The following GRIA1 variants were observed in gnomAD, a reference collection of about 807,000 sequenced individuals.
GRIA1 encodes the protein glutamate receptor 1.
Under a neutral mutation model 99.2 loss-of-function variants are expected in GRIA1, and 31 were observed. The ratio of observed to expected loss-of-function variants is 0.31; its 90% CI spans 0.23 to 0.42. The LOEUF is 0.42. Ranked by LOEUF, GRIA1 falls within the 10% of genes least tolerant of loss-of-function variation. The pLI, the probability that GRIA1 is intolerant of heterozygous loss-of-function variation, is 1.00. For missense variants in GRIA1, 782 were observed against 1,157.5 expected, an observed-to-expected ratio of 0.68 and a Z score of 4.71; for synonymous variants, 438 against 432.4, an observed-to-expected ratio of 1.01 and a Z score of -0.16.
intron 14 of GRIA1, among the ~76,000 whole-genome samples, chr5:153,796,695 C>T (rs1380166893): frequency 2.0e-5 from 3 of 152,170 alleles, no homozygotes; most frequent in African/African-American, 7.2e-5. Context: ...AGGTGGGCAA[C>T]ACTCACTGTG....
intron 7 of GRIA1, among the ~76,000 whole-genome samples, chr5:153,680,596 C>A (rs973307428): frequency 1.3e-5 from 2 of 152,088 alleles, no homozygotes; most frequent in South Asian, 2.1e-4. Flanking sequence ...ATTTAGAATA[C>A]CTCCCCTAAA....
At chr5:153,650,568 C>A (rs1754489033) in intron 4 of GRIA1, 54 bp downstream of exon 4, 8 of 1,541,908 alleles carry the variant, frequency 5.2e-6, no homozygotes, top group Non-Finnish European at 7.1e-6. Context: ...TCAGGAATAG[C>A]CAGACACACT....
At chr5:153,754,633 C>A (rs1465842347) in intron 11 of GRIA1, among the ~76,000 whole-genome samples, 1 of 152,130 alleles carries the variant, frequency 6.6e-6, no homozygotes, top group Non-Finnish European at 1.5e-5. Context: ...AGGCAGCCAT[C>A]CTGAATACTT....
At chr5:153,600,876 G>C (rs1287087021) in intron 2 of GRIA1, among the ~76,000 whole-genome samples, 1 of 152,216 alleles carries the variant, frequency 6.6e-6, no homozygotes, top group Non-Finnish European at 1.5e-5. Flanking sequence ...TGTAGCTTCA[G>C]CTGTCAGAGC....
intron 11 of GRIA1, among the ~76,000 whole-genome samples, chr5:153,708,436 G>A (rs1452468479): frequency 1.3e-5 from 2 of 152,132 alleles, no homozygotes; most frequent in Non-Finnish European, 2.9e-5. Context: ...TTGAGGTGAA[G>A]AGGAGACTGA....
At chr5:153,646,418 G>A (rs181152880) in intron 2 of GRIA1, among the ~76,000 whole-genome samples, 7 of 152,264 alleles carry the variant, frequency 4.6e-5, no homozygotes, top group South Asian at 2.1e-4. Flanking sequence ...GGGGAAGATC[G>A]TTAGATTAAG....
At chr5:153,589,540 A>G (rs945765690) in intron 2 of GRIA1, among the ~76,000 whole-genome samples, 3 of 152,178 alleles carry the variant, frequency 2.0e-5, no homozygotes, top group Non-Finnish European at 4.4e-5. Flanking sequence ...CCACCCAGCA[A>G]CTTTTTCTTA....
At chr5:153,677,560 G>T (rs1756680158) in intron 7 of GRIA1, among the ~76,000 whole-genome samples, 2 of 152,206 alleles carry the variant, frequency 1.3e-5, no homozygotes, top group Non-Finnish European at 2.9e-5. Context: ...ATGAGAGCCT[G>T]GGGTATGTGG....
intron 2 of GRIA1, among the ~76,000 whole-genome samples, chr5:153,576,727 C>T (rs1762557188): frequency 6.6e-6 from 1 of 152,330 alleles, no homozygotes; most frequent in Middle Eastern, 3.4e-3. Context: ...TCTTGCTCTT[C>T]ACTTGCCAAG....
At chr5:153,740,936 C>CAAGT (rs1761733852) in intron 11 of GRIA1, among the ~76,000 whole-genome samples, 1 of 143,454 alleles carries the variant, frequency 7.0e-6, no homozygotes, top group African/African-American at 2.6e-5. Flanking sequence ...GAAAAGACAA[C>CAAGT]AAGTCTTGGC....
chr5:153,726,702 A>C (rs1468777524), intron 11 of GRIA1, among the ~76,000 whole-genome samples: 1 of 152,194 alleles, frequency 6.6e-6, no homozygotes, highest in Non-Finnish European at 1.5e-5. Context: ...GAAGTTGAAT[A>C]TCTGAGTAGA....
chr5:153,544,653 T>C (rs541871120), intron 2 of GRIA1, among the ~76,000 whole-genome samples: 1 of 152,150 alleles, frequency 6.6e-6, no homozygotes, highest in East Asian at 1.9e-4. Context: ...AATAGGTAAA[T>C]AGTCATGGGA....
intron 11 of GRIA1, among the ~76,000 whole-genome samples, chr5:153,723,650 C>T (rs1418249081): frequency 6.6e-6 from 1 of 152,162 alleles, no homozygotes; most frequent in African/African-American, 2.4e-5. Flanking sequence ...GCTAGCACAG[C>T]AGTCTGAGAT....
At chr5:153,698,282 GA>G in intron 9 of GRIA1, 128 bp downstream of exon 9, 1 of 525,580 alleles carries the variant, frequency 1.9e-6, no homozygotes. Flanking sequence ...GCAGCAAGTC[GA>G]AAAGGGAATG....
At chr5:153,541,051 A>G (rs760390332) in intron 2 of GRIA1, among the ~76,000 whole-genome samples, 61 of 152,284 alleles carry the variant, frequency 4.0e-4, no homozygotes, top group Non-Finnish European at 7.2e-4. Context: ...GCCTAACTGC[A>G]ATACATTTTT....
chr5:153,696,143 C>T (rs918605156), intron 8 of GRIA1, among the ~76,000 whole-genome samples: 1 of 152,162 alleles, frequency 6.6e-6, no homozygotes, highest in East Asian at 1.9e-4. Flanking sequence ...CCTGGCTCCA[C>T]GGCTACCCTG....
intron 2 of GRIA1, among the ~76,000 whole-genome samples, chr5:153,527,829 T>C (rs7733278): frequency 0.021 from 3,196 of 152,348 alleles, 113 homozygotes; most frequent in African/African-American, 0.071. Flanking sequence ...GGAACATTTC[T>C]TGAGATCTCA....
chr5:153,692,545 C>T (rs1757837658), intron 8 of GRIA1, among the ~76,000 whole-genome samples: 1 of 152,130 alleles, frequency 6.6e-6, no homozygotes, highest in Non-Finnish European at 1.5e-5. Context: ...CTATATCTGC[C>T]TCTGCATGAC....
At chr5:153,655,364 C>G (rs1300563219) in intron 4 of GRIA1, among the ~76,000 whole-genome samples, 1 of 152,138 alleles carries the variant, frequency 6.6e-6, no homozygotes, top group African/African-American at 2.4e-5. Flanking sequence ...ATCCACCATC[C>G]ATCTATTAAC....
Sources: gnomAD v4.1 joint callset for allele counts (sites outside exome capture counted in the v4.1 genomes callset) on GRCh38, gnomAD v4.1.1 for gene constraint, MANE v1.5 for transcripts, NCBI Gene and HGNC (gene_info 2026-07-23, HGNC 2026-07-21) for gene names.